The following EFCAB3 variants were observed in gnomAD, a reference collection of about 807,000 sequenced individuals.
EFCAB3 encodes EF-hand calcium binding domain 3, also known as EF-hand calcium-binding domain-containing protein 3.
EFCAB3 carries 36 observed loss-of-function variants against 42.2 expected under a neutral mutation model. The observed-to-expected ratio is 0.85, with a 90% CI of 0.65 to 1.13. EFCAB3 has a LOEUF of 1.13. EFCAB3 is among the 50% of genes most tolerant of loss of function. The probability of loss-of-function intolerance (pLI) is 0.00; values close to 1 mark genes in which losing one functional copy is unlikely to be tolerated. For missense variants in EFCAB3, 418 were observed against 505.1 expected, an observed-to-expected ratio of 0.83 and a Z score of 1.65; for synonymous variants, 170 against 172.8, an observed-to-expected ratio of 0.98 and a Z score of 0.13.
intron 6 of EFCAB3, among the ~76,000 whole-genome samples, chr17:62,405,693 A>G (rs2070441567): frequency 6.6e-6 from 1 of 152,222 alleles, no homozygotes; most frequent in Non-Finnish European, 1.5e-5. Flanking sequence ...TGTAAGTCAG[A>G]TGTTTATACT....
chr17:62,377,090 C>T (rs2070156905), upstream of EFCAB3, among the ~76,000 whole-genome samples: 1 of 152,036 alleles, frequency 6.6e-6, no homozygotes, highest in Admixed American at 6.6e-5. Flanking sequence ...AAAAGAAAAG[C>T]TGCTTCATAG....
At chr17:62,382,420 TTG>T (rs145389859) in intron 1 of EFCAB3, among the ~76,000 whole-genome samples, 22 of 149,856 alleles carry the variant, frequency 1.5e-4, no homozygotes, top group African/African-American at 2.9e-4. Flanking sequence ...TAGTTACTAT[TTG>T]TGTGTGTGTG....
upstream of EFCAB3, among the ~76,000 whole-genome samples, chr17:62,377,330 A>C (rs1008508150): frequency 1.3e-5 from 2 of 152,202 alleles, no homozygotes; most frequent in Non-Finnish European, 2.9e-5. Context: ...TTATCTGGCC[A>C]GGCCAAACCA....
intron 1 of EFCAB3, chr17:62,382,132 C>G (rs2070207918): frequency 6.4e-6 from 1 of 157,310 alleles, no homozygotes; most frequent in African/African-American, 2.4e-5. Flanking sequence ...AAAAGAAACC[C>G]TGGGAAAATC....
intron 6 of EFCAB3, among the ~76,000 whole-genome samples, chr17:62,399,833 A>G (rs551287339): frequency 1.3e-5 from 2 of 152,320 alleles, no homozygotes; most frequent in South Asian, 2.1e-4. Flanking sequence ...TTAATATGCA[A>G]TAAAATTTAC....
At chr17:62,406,992 T>C (rs1470863124) in intron 7 of EFCAB3, 36 bp from the exon 8 acceptor site, 2 of 1,550,568 alleles carry the variant, frequency 1.3e-6, no homozygotes, top group Non-Finnish European at 1.7e-6. Context: ...TCTTCTTACA[T>C]TGTTTGTGAT....
At chr17:62,380,494 C>A, upstream of EFCAB3, 1 of 930,264 alleles carries the variant, frequency 1.1e-6, no homozygotes, top group Non-Finnish European at 1.3e-6. Context: ...GGGTCATTCT[C>A]TCCCTAGGCT....
intron 8 of EFCAB3, among the ~76,000 whole-genome samples, chr17:62,408,198 C>T (rs1417285511): frequency 6.6e-6 from 1 of 152,118 alleles, no homozygotes; most frequent in Non-Finnish European, 1.5e-5. Context: ...ACTAAGGTAT[C>T]CCTATCATCT....
chr17:62,406,710 G>T (rs1425177811), intron 7 of EFCAB3, 37 bp downstream of exon 7: 1 of 1,606,664 alleles, frequency 6.2e-7, no homozygotes, highest in South Asian at 1.1e-5. Flanking sequence ...TGTTGTAAAG[G>T]ATTTATTTGT....
intron 8 of EFCAB3, among the ~76,000 whole-genome samples, chr17:62,410,665 A>T (rs940538566): frequency 1.3e-4 from 20 of 152,126 alleles, no homozygotes; most frequent in African/African-American, 4.8e-4. Flanking sequence ...TATTCAAAAG[A>T]AAGGAAAACC....
At chr17:62,397,339 G>T in intron 6 of EFCAB3, 1 of 331,154 alleles carries the variant, frequency 3.0e-6, no homozygotes, top group South Asian at 3.0e-5. Flanking sequence ...GGGCAACCTG[G>T]TGAAACCCCA....
intron 2 of EFCAB3, among the ~76,000 whole-genome samples, chr17:62,385,819 A>C (rs952946975): frequency 6.9e-6 from 1 of 144,882 alleles, no homozygotes; most frequent in Non-Finnish European, 1.5e-5. Flanking sequence ...TCCTGGGTTC[A>C]TGTCATTCTT....
chr17:62,407,097 G>T lies in EFCAB3; in HGVS notation c.752G>T (p.Gly251Val), dbSNP rs1297789320. Residue 251 changes from glycine (G) to valine (V), a missense_variant, in exon 8 of 10, where the codon GGG becomes GTG. By Grantham distance (109) the Gly-to-Val change is moderately radical. Coordinates refer to ENST00000305286, the MANE Select transcript of EFCAB3 (RefSeq NM_173503.4). ...TTTCCATTGTTCCCTAATGTGGATGGGGTGGTGATGGGAAAGCCATTCAAA... is the reference window on the plus strand; with the variant it reads ...TTTCCATTGTTCCCTAATGTGGATGTGGTGGTGATGGGAAAGCCATTCAAA... ...PIFPLFPNVDGVVMGKPFKDM... is the reference protein window; with the variant it reads ...PIFPLFPNVDVVVMGKPFKDM... The T allele has an allele frequency of 6.2e-7, 1 of 1,613,174 alleles. No individual in the cohort carries two copies. Among genetic ancestry groups the T allele is most frequent in the East Asian group, 2.2e-5 (1 of 44,860 alleles).
intron 3 of EFCAB3, among the ~76,000 whole-genome samples, chr17:62,389,341 G>A (rs2070283014): frequency 6.6e-6 from 1 of 152,182 alleles, no homozygotes; most frequent in South Asian, 2.1e-4. Context: ...ATGGTTTGCA[G>A]AGGAAAGACA....
intron 6 of EFCAB3, among the ~76,000 whole-genome samples, chr17:62,401,100 C>G (rs1405904698): frequency 6.6e-6 from 1 of 152,142 alleles, no homozygotes; most frequent in African/African-American, 2.4e-5. Flanking sequence ...TGAGAAGTAT[C>G]TATTCATATC....
chr17:62,377,617 A>G (rs961689015), upstream of EFCAB3, among the ~76,000 whole-genome samples: 3 of 152,218 alleles, frequency 2.0e-5, no homozygotes, highest in African/African-American at 7.2e-5. Flanking sequence ...TAATTAGTCA[A>G]TACCTTCCTA....
At chr17:62,400,415 T>C (rs2070390705) in intron 6 of EFCAB3, among the ~76,000 whole-genome samples, 1 of 152,112 alleles carries the variant, frequency 6.6e-6, no homozygotes, top group Non-Finnish European at 1.5e-5. Context: ...TGTGTGATGT[T>C]CCCCACCCTG....
At chr17:62,387,257 G>A in intron 2 of EFCAB3, 83 bp from the exon 3 acceptor site, 1 of 1,048,726 alleles carries the variant, frequency 9.5e-7, no homozygotes, top group Non-Finnish European at 1.4e-6. Context: ...AGTCATTCCA[G>A]TAAGCAGAAA....
intron 1 of EFCAB3, among the ~76,000 whole-genome samples, chr17:62,371,708 G>C (rs2070115874): frequency 6.6e-6 from 1 of 152,140 alleles, no homozygotes; most frequent in African/African-American, 2.4e-5. Flanking sequence ...AATAAAATGA[G>C]TATTAGGAAG....
Sources: allele counts gnomAD v4.1 joint callset (sites outside exome capture counted in the v4.1 genomes callset), GRCh38; gene constraint gnomAD v4.1.1; transcripts MANE v1.5; gene names NCBI Gene and HGNC (gene_info 2026-07-23, HGNC 2026-07-21).